TUSC3: variants seen among roughly 807,000 people sequenced by gnomAD.
TUSC3 encodes dolichyl-diphosphooligosaccharide--protein glycosyltransferase subunit TUSC3.
TUSC3 carries 45 observed loss-of-function variants against 44.8 expected under a neutral mutation model. The observed-to-expected ratio is 1.00, with a 90% confidence interval of 0.79 to 1.29. The LOEUF is 1.29. Among genes scored for constraint, TUSC3 ranks in the 50% most tolerant of loss-of-function variants. The probability of loss-of-function intolerance (pLI) is 0.00; values close to 1 mark genes in which losing one functional copy is unlikely to be tolerated. For missense variants in TUSC3, 519 were observed against 437.9 expected (o/e 1.19, Z -1.65); for synonymous variants, 212 against 152.9 (o/e 1.39, Z -2.85).
At chr8:15,654,638 A>G (rs1585197513) in intron 3 of TUSC3, among the ~76,000 whole-genome samples, 1 of 152,210 alleles carries the variant, frequency 6.6e-6, no homozygotes, top group Non-Finnish European at 1.5e-5. Context: ...CTCTACTAAA[A>G]ATACAAAAAT....
intron 5 of TUSC3, among the ~76,000 whole-genome samples, chr8:15,663,861 C>T (rs142150653): frequency 6.6e-6 from 1 of 151,774 alleles, no homozygotes; most frequent in Non-Finnish European, 1.5e-5. Context: ...GGTAAAAATG[C>T]AGTACTTTCA....
At chr8:15,633,509 T>C (rs931819843) in intron 2 of TUSC3, among the ~76,000 whole-genome samples, 1 of 152,150 alleles carries the variant, frequency 6.6e-6, no homozygotes, top group African/African-American at 2.4e-5. Context: ...TAGATGTAAT[T>C]AGTTAAGATG....
At chr8:15,631,985 G>T (rs1585173556) in intron 2 of TUSC3, among the ~76,000 whole-genome samples, 1 of 152,158 alleles carries the variant, frequency 6.6e-6, no homozygotes. Flanking sequence ...GGGATTACAG[G>T]TGTGAGCCAC....
intron 7 of TUSC3, among the ~76,000 whole-genome samples, chr8:15,742,341 C>G (rs1811232630): frequency 7.2e-6 from 1 of 138,568 alleles, no homozygotes; most frequent in Non-Finnish European, 1.6e-5. Context: ...GTTTGAAAAA[C>G]CGTTTGTATA....
the TUSC3 span, among the ~76,000 whole-genome samples, chr8:15,816,394 C>G: frequency 6.6e-6 from 1 of 152,022 alleles, no homozygotes; most frequent in African/African-American, 2.4e-5. Flanking sequence ...CTCCTGAGAA[C>G]AAATTCCCAA....
chr8:15,559,479 G>C (rs201276774), intron 1 of TUSC3, among the ~76,000 whole-genome samples: 15,034 of 129,012 alleles, frequency 0.12, 1,083 homozygotes, highest in East Asian at 0.14. Context: ...TGTATATTCT[G>C]TTGATTTGGG....
chr8:15,611,820 T>C (rs1804774094), intron 1 of TUSC3, among the ~76,000 whole-genome samples: 1 of 152,204 alleles, frequency 6.6e-6, no homozygotes, highest in African/African-American at 2.4e-5. Context: ...TATATATTTT[T>C]AAATCTGTTA....
chr8:15,761,569 G>A (rs1585314407), intron 10 of TUSC3, among the ~76,000 whole-genome samples: 1 of 152,070 alleles, frequency 6.6e-6, no homozygotes, highest in African/African-American at 2.4e-5. Flanking sequence ...TTCAGAATAC[G>A]CGAATAAGCC....
chr8:15,615,603 C>G (rs1804952999), intron 1 of TUSC3, among the ~76,000 whole-genome samples: 1 of 151,980 alleles, frequency 6.6e-6, no homozygotes, highest in Non-Finnish European at 1.5e-5. Context: ...TTTTCCAAAT[C>G]TAGAAGAGAG....
chr8:15,623,291 G>C, intron 2 of TUSC3, 42 bp downstream of exon 2: 1 of 1,498,284 alleles, frequency 6.7e-7, no homozygotes, highest in Non-Finnish European at 8.9e-7. Context: ...TATTATTCTT[G>C]GTTTACATAT....
intron 1 of TUSC3, among the ~76,000 whole-genome samples, chr8:15,443,152 C>G (rs562427761): frequency 6.8e-6 from 1 of 146,432 alleles, no homozygotes; most frequent in South Asian, 2.1e-4. Context: ...TTTCTTTTTT[C>G]TTCCTTCCTT....
At chr8:15,793,537 A>AT in the TUSC3 span, among the ~76,000 whole-genome samples, 1 of 152,052 alleles carries the variant, frequency 6.6e-6, no homozygotes, top group East Asian at 1.9e-4. Context: ...CCTGTGTAAA[A>AT]TCCCCACTGT....
At chr8:15,593,802 C>T (rs548237758) in intron 1 of TUSC3, among the ~76,000 whole-genome samples, 3 of 152,208 alleles carry the variant, frequency 2.0e-5, no homozygotes, top group Admixed American at 1.3e-4. Flanking sequence ...CTGTTGTTTA[C>T]CATCGTCCAG....
At position 15,623,074 on chromosome 8, in the gene TUSC3, T is replaced by C. The variant is rs1033112526; in HGVS notation, c.139-6T>C. 11 of 1,613,342 alleles carry C rather than the reference T, an allele frequency of 6.8e-6. No homozygotes were observed. The highest frequency in any genetic ancestry group is 3.3e-5 in the Admixed American group (2 of 59,964). ...TGTAAATGTTAATTTCTGTGTTTAA[T>C]TGCAGAATCTTTTAGCTGAAAAAGT... is the stretch of plus-strand genomic sequence containing the variant. On this transcript the variant is annotated splice_polypyrimidine_tract_variant and splice_region_variant and intron_variant, in intron 1 of 10. Transcript: ENST00000503731.
chr8:15,549,147 A>G lies in TUSC3; in HGVS notation c.138+8579A>G, dbSNP rs543915419. 3.3e-5 allele frequency among the ~76,000 whole-genome samples: 5 copies of G among 151,908 alleles called. No individual in the cohort carries two copies. The South Asian group carries it at 1.0e-3, about 32-fold the overall frequency. On this transcript the variant is annotated intron_variant, in intron 1 of 10. Coordinates refer to ENST00000503731, the MANE Select transcript of TUSC3 (RefSeq NM_006765.4). Reference sequence around the variant, plus strand: ...ATTTGCTGCATACAATGTGTTTTCTATATGAATGCTTTTTAAAAGTACTTA... The same window carrying G: ...ATTTGCTGCATACAATGTGTTTTCTGTATGAATGCTTTTTAAAAGTACTTA...
chr8:15,774,379 C>T, the TUSC3 span, among the ~76,000 whole-genome samples: 7 of 152,040 alleles, frequency 4.6e-5, no homozygotes, highest in East Asian at 1.4e-3. Context: ...TTACTGGTGC[C>T]CTTGTAAGAA....
intron 10 of TUSC3, among the ~76,000 whole-genome samples, chr8:15,760,831 A>T (rs979235179): frequency 6.6e-6 from 1 of 152,312 alleles, no homozygotes; most frequent in African/African-American, 2.4e-5. Flanking sequence ...AGCACTGAAT[A>T]TGTTCCCATA....
chr8:15,419,645 A>G (rs917422557), intron 1 of TUSC3, among the ~76,000 whole-genome samples: 21 of 152,342 alleles, frequency 1.4e-4, no homozygotes, highest in African/African-American at 4.6e-4. Flanking sequence ...CACAAATGTC[A>G]AAGGTGTTCA....
chr8:15,624,288 C>G (rs1227633371), intron 2 of TUSC3, among the ~76,000 whole-genome samples: 3 of 151,666 alleles, frequency 2.0e-5, no homozygotes, highest in Non-Finnish European at 4.4e-5. Context: ...GAGCATTTTT[C>G]TGCAGGTTTT....
Sources: allele counts gnomAD v4.1 joint callset (sites outside exome capture counted in the v4.1 genomes callset), GRCh38; gene constraint gnomAD v4.1.1; transcripts MANE v1.5; gene names NCBI Gene and HGNC (gene_info 2026-07-23, HGNC 2026-07-21).